The following TLN2 variants were observed in gnomAD, a reference collection of about 807,000 sequenced individuals.
TLN2 encodes the protein talin-2.
In TLN2, 118 loss-of-function variants were observed where a neutral mutation model predicts 294.7. That is an observed-to-expected ratio of 0.40 (90% confidence interval 0.34 to 0.47). TLN2 has a LOEUF of 0.47. Among genes scored for constraint, TLN2 ranks in the 20% least tolerant of loss-of-function variants. The pLI, the probability that TLN2 is intolerant of heterozygous loss-of-function variation, is 0.84. For synonymous variants in TLN2, 1,431 were observed against 1,304.5 expected (o/e 1.10, Z -2.09); for missense variants, 3,083 against 3,282.2 (o/e 0.94, Z 1.48).
At chr15:62,573,836 A>G (rs2044146628) in intron 1 of TLN2, among the ~76,000 whole-genome samples, 2 of 149,726 alleles carry the variant, frequency 1.3e-5, no homozygotes, top group Non-Finnish European at 3.0e-5. Context: ...GGGATGCATT[A>G]TTATTCCTTT....
chr15:62,797,176 C>T (rs1289136943), intron 47 of TLN2, 43 bp from the exon 48 acceptor site: 5 of 1,608,256 alleles, frequency 3.1e-6, no homozygotes, highest in Non-Finnish European at 4.3e-6. Flanking sequence ...CAAGCTTTGC[C>T]CTCTGTCTCT....
intron 37 of TLN2, 21 bp from the exon 38 acceptor site, chr15:62,761,660 C>T (rs747971629): frequency 1.2e-5 from 20 of 1,614,036 alleles, no homozygotes; most frequent in Non-Finnish European, 1.6e-5. Flanking sequence ...TGGGCAGAAT[C>T]TCCCTGTTTT....
At chr15:62,535,842 C>T (rs1271797160) in intron 1 of TLN2, among the ~76,000 whole-genome samples, 1 of 152,148 alleles carries the variant, frequency 6.6e-6, no homozygotes, top group African/African-American at 2.4e-5. Context: ...CGTGAGCCAC[C>T]GTACCTGGCC....
chr15:62,762,521 C>A (rs79270375), intron 39 of TLN2, 68 bp downstream of exon 39: 1 of 1,538,678 alleles, frequency 6.5e-7, no homozygotes, highest in Non-Finnish European at 8.9e-7. Flanking sequence ...ATAAGCCCAC[C>A]AGGCTTTTTA....
chr15:62,716,877 T>C lies in TLN2; in HGVS notation c.2763+418T>C, dbSNP rs575540323. On this transcript the variant is annotated intron_variant, in intron 23 of 58. Coordinates refer to ENST00000636159, the MANE Select transcript of TLN2 (RefSeq NM_015059.3). ...GGTATAGAAGGGAGTGAAATATATT[T>C]GTTATTTTTTGAAATAATTATTCTG... is the stretch of plus-strand genomic sequence containing the variant. Among the ~76,000 whole-genome samples the C allele has an allele frequency of 9.9e-5, 15 of 152,270 alleles. No individual in the cohort carries two copies. The South Asian group carries it at 3.1e-3, about 32-fold the overall frequency.
intron 1 of TLN2, among the ~76,000 whole-genome samples, chr15:62,415,947 G>A (rs1478751425): frequency 6.6e-6 from 1 of 152,236 alleles, no homozygotes; most frequent in Non-Finnish European, 1.5e-5. Flanking sequence ...TTTAAAGGGA[G>A]TCAGGTCTGG....
intron 37 of TLN2, among the ~76,000 whole-genome samples, chr15:62,760,698 G>A (rs2062606004): frequency 6.6e-6 from 1 of 152,128 alleles, no homozygotes; most frequent in African/African-American, 2.4e-5. Flanking sequence ...AGTCTAGCAT[G>A]GATCACAGGC....
At chr15:62,828,725 C>CA (rs1444949937) in intron 54 of TLN2, 3 of 152,266 alleles carry the variant, frequency 2.0e-5, no homozygotes, top group Non-Finnish European at 4.4e-5. Flanking sequence ...GTGTATTTCT[C>CA]CTTCTCCTAC....
rs756186800 is a variant in TLN2 at position 62,655,992 on chromosome 15, A to G, written c.566A>G (p.Glu189Gly). Residue 189 changes from glutamate to glycine, a missense_variant, in exon 8 of 59, where the codon GAA becomes GGA. Physicochemically the swap from Glu to Gly is moderately conservative, Grantham distance 98. Coordinates refer to ENST00000636159, the MANE Select transcript of TLN2 (RefSeq NM_015059.3). ...ACATTCAGAGAACAAGGAGTAGATGAAAACGAAACGTTGCTGCTTAGACGG... is the reference window on the plus strand; with the variant it reads ...ACATTCAGAGAACAAGGAGTAGATGGAAACGAAACGTTGCTGCTTAGACGG... Reference protein sequence around the residue: ...SRTFREQGVDENETLLLRRKF... With the variant: ...SRTFREQGVDGNETLLLRRKF... 5.6e-6 allele frequency: 9 copies of G among 1,614,118 alleles called. No individual in the cohort carries two copies. Among genetic ancestry groups the G allele is most frequent in the Admixed American group, 5.0e-5 (3 of 60,014 alleles).
chr15:62,562,636 A>C lies in TLN2; in HGVS notation c.-237-27051A>C, dbSNP rs375911975. ...GTGGTGATTTCTGAGATTTTGGTGC[A>C]CCCATCACCGGAGCAGTATACAGTG... is the stretch of plus-strand genomic sequence containing the variant. On this transcript the variant is annotated intron_variant, in intron 1 of 58. Coordinates refer to ENST00000636159, the MANE Select transcript of TLN2 (RefSeq NM_015059.3). 2.9e-4 allele frequency among the ~76,000 whole-genome samples: 44 copies of C among 151,914 alleles called. No individual in the cohort carries two copies. In the South Asian group the frequency reaches 7.3e-3, roughly 25 times the overall value.
At chr15:62,546,925 C>T (rs2042026582) in intron 1 of TLN2, among the ~76,000 whole-genome samples, 1 of 152,182 alleles carries the variant, frequency 6.6e-6, no homozygotes. Flanking sequence ...CGTAATACTG[C>T]AGTTTGTTTA....
chr15:62,663,335 C>CA (rs1445821995), intron 9 of TLN2, among the ~76,000 whole-genome samples: 3 of 151,992 alleles, frequency 2.0e-5, no homozygotes, highest in African/African-American at 7.2e-5. Flanking sequence ...TTAGTCTAAA[C>CA]AAGTATGATA....
chr15:62,723,898 C>T (rs1595792522), intron 26 of TLN2, among the ~76,000 whole-genome samples: 1 of 151,978 alleles, frequency 6.6e-6, no homozygotes, highest in South Asian at 2.1e-4. Flanking sequence ...GCTCTAATCC[C>T]AGCACTTTGG....
chr15:62,499,495 T>G (rs1390706144), intron 1 of TLN2, among the ~76,000 whole-genome samples: 2 of 152,162 alleles, frequency 1.3e-5, no homozygotes, highest in Non-Finnish European at 2.9e-5. Flanking sequence ...AAACCAAGCC[T>G]CTTTTAAGCA....
chr15:62,817,811 TATC>T (rs2067233145), intron 52 of TLN2, among the ~76,000 whole-genome samples: 1 of 149,634 alleles, frequency 6.7e-6, no homozygotes, highest in African/African-American at 2.5e-5. Context: ...TATTCCATTC[TATC>T]TTTTTTTTTT....
intron 3 of TLN2, among the ~76,000 whole-genome samples, chr15:62,626,805 A>G (rs1477155038): frequency 1.3e-5 from 2 of 152,212 alleles, no homozygotes; most frequent in African/African-American, 2.4e-5. Flanking sequence ...GTTAGATCAG[A>G]TATCTGTGTC....
chr15:62,500,195 A>G (rs1194928), intron 1 of TLN2, among the ~76,000 whole-genome samples: 93,156 of 151,786 alleles, frequency 0.61, 29,069 homozygotes, highest in African/African-American at 0.73. Context: ...AAAATTAGAC[A>G]GGTGTGGTGG....
intron 14 of TLN2, among the ~76,000 whole-genome samples, chr15:62,696,391 C>A (rs1595697256): frequency 6.6e-6 from 1 of 152,172 alleles, no homozygotes; most frequent in East Asian, 1.9e-4. Context: ...ATTCTTCATT[C>A]TAAGACAATA....
At chr15:62,735,475 T>C (rs1353379917) in intron 28 of TLN2, among the ~76,000 whole-genome samples, 1 of 152,194 alleles carries the variant, frequency 6.6e-6, no homozygotes, top group Non-Finnish European at 1.5e-5. Context: ...ATTAAGTACA[T>C]GCAAAGATGC....
Sources: gnomAD v4.1 joint callset for allele counts (sites outside exome capture counted in the v4.1 genomes callset) on GRCh38, gnomAD v4.1.1 for gene constraint, MANE v1.5 for transcripts, NCBI Gene and HGNC (gene_info 2026-07-23, HGNC 2026-07-21) for gene names.